The following LNX2 variants were observed in gnomAD, a reference collection of about 807,000 sequenced individuals.
LNX2 encodes ligand of Numb protein X 2.
In LNX2, 35 loss-of-function variants were observed where a neutral mutation model predicts 66.2. The observed-to-expected ratio is 0.53, with a 90% CI of 0.40 to 0.70. The LOEUF (loss-of-function observed/expected upper bound fraction) is 0.70. Among genes scored for constraint, LNX2 ranks in the 30% least tolerant of loss-of-function variants. LNX2 has a pLI of 0.00. For synonymous variants in LNX2, 337 were observed against 315.6 expected, an observed-to-expected ratio of 1.07 and a Z score of -0.72; for missense variants, 791 against 850.8, an observed-to-expected ratio of 0.93 and a Z score of 0.87.
intron 7 of LNX2, 32 bp from the exon 8 acceptor site, chr13:27,553,471 T>C (rs758199496): frequency 6.4e-7 from 1 of 1,550,496 alleles, no homozygotes; most frequent in Non-Finnish European, 8.9e-7. Flanking sequence ...AAAAATGAGC[T>C]GAGCCACTGA....
At chr13:27,565,893 A>G (rs1396853143) in intron 4 of LNX2, among the ~76,000 whole-genome samples, 2 of 152,224 alleles carry the variant, frequency 1.3e-5, no homozygotes, top group Admixed American at 6.5e-5. Flanking sequence ...GTAGACTCCC[A>G]TAGCCCCAAG....
At position 27,548,360 on chromosome 13, in the gene LNX2, A is replaced by G. The variant is rs760468125; in HGVS notation, c.2048T>C (p.Ile683Thr). Residue 683 changes from isoleucine (I) to threonine (T), a missense_variant, in exon 10 of 10, where the codon ATT (isoleucine) becomes ACT (threonine). Transcript: ENST00000316334. Reference sequence around the variant, plus strand: ...CTATACAAGGCTGCCAGGCCAACAAATAACGGTCAGAGTGACTTTGTTCCT... The same window carrying G: ...CTATACAAGGCTGCCAGGCCAACAAGTAACGGTCAGAGTGACTTTGTTCCT... Reference protein sequence around the residue: ...EQRNKVTLTVICWPGSLV With the variant: ...EQRNKVTLTVTCWPGSLV 5.9e-5 allele frequency: 96 copies of G among 1,613,820 alleles called. 2 individuals are homozygous for G. In the South Asian group the frequency reaches 1.0e-3, roughly 17 times the overall value.
chr13:27,616,192 G>GTT (rs1453479215), intron 1 of LNX2, among the ~76,000 whole-genome samples: 1 of 150,666 alleles, frequency 6.6e-6, no homozygotes, highest in Non-Finnish European at 1.5e-5. Context: ...GGGGTTGGGG[G>GTT]GGGTAGCAGG....
At chr13:27,603,641 A>T (rs962132572) in intron 1 of LNX2, among the ~76,000 whole-genome samples, 7 of 152,188 alleles carry the variant, frequency 4.6e-5, no homozygotes, top group Non-Finnish European at 1.0e-4. Context: ...AGAGATAAAC[A>T]GTTTCATGGT....
At chr13:27,597,454 T>C (rs963357855) in intron 1 of LNX2, among the ~76,000 whole-genome samples, 3 of 152,082 alleles carry the variant, frequency 2.0e-5, no homozygotes, top group African/African-American at 7.2e-5. Flanking sequence ...GCTTTAAAAA[T>C]TGATATTTCA....
chr13:27,620,614 A>C (rs1363237262), upstream of LNX2: 1 of 154,554 alleles, frequency 6.5e-6, no homozygotes, highest in Non-Finnish European at 1.4e-5. Context: ...CGAGCGGCCC[A>C]ACCCGCACCC....
chr13:27,588,295 A>G (rs1390366993), intron 1 of LNX2, among the ~76,000 whole-genome samples: 1 of 152,204 alleles, frequency 6.6e-6, no homozygotes, highest in East Asian at 1.9e-4. Context: ...ATGAATGGGT[A>G]AACAAATTGT....
At chr13:27,560,246 T>A (rs1340037612) in intron 5 of LNX2, among the ~76,000 whole-genome samples, 1 of 152,148 alleles carries the variant, frequency 6.6e-6, no homozygotes, top group Non-Finnish European at 1.5e-5. Context: ...CAAGGCAAAG[T>A]GGTCACACTG....
intron 1 of LNX2, among the ~76,000 whole-genome samples, chr13:27,586,247 A>G (rs1955485667): frequency 6.6e-6 from 1 of 152,128 alleles, no homozygotes; most frequent in Non-Finnish European, 1.5e-5. Context: ...GCAAAGCCAT[A>G]TAGCATATAG....
In LNX2 at chr13:27,583,215, T is replaced by TGCGC. The variant is rs1449791231; in HGVS notation, c.-100-1413_-100-1412insGCGC. 1.6e-3 allele frequency among the ~76,000 whole-genome samples: 36 copies of TGCGC among 22,994 alleles called. 4 individuals carry two copies. The highest frequency in any genetic ancestry group is 2.4e-3 in the Non-Finnish European group (31 of 13,110). The allele number at this position is 22,994 out of a possible 152,430, so 15.1% of individuals were successfully genotyped here. ...GTGTGTGTGTGTGTGTGTGTGTGTG[T>TGCGC]GTGTGTGTGTGTGTGTGTGTGTGTG... On this transcript the variant is annotated intron_variant, in intron 1 of 9. Coordinates refer to ENST00000316334, the MANE Select transcript of LNX2 (RefSeq NM_153371.4).
intron 3 of LNX2, 23 bp downstream of exon 3, chr13:27,569,006 A>T (rs1183904382): frequency 6.3e-7 from 1 of 1,585,990 alleles, no homozygotes. Flanking sequence ...GATGAAATAC[A>T]CAAGGAGTTG....
intron 1 of LNX2, among the ~76,000 whole-genome samples, chr13:27,618,295 C>A (rs1955848873): frequency 2.0e-5 from 3 of 152,210 alleles, no homozygotes; most frequent in African/African-American, 7.2e-5. Flanking sequence ...CTGGCAATCA[C>A]TATTCTAAGT....
Position 27,553,256 on chromosome 13 carries a change from T to A in LNX2, c.1730A>T (p.Tyr577Phe), listed in dbSNP as rs766713811. 6.2e-7 allele frequency: 1 copy of A among 1,614,148 alleles called. No homozygotes were observed. Among genetic ancestry groups the A allele is most frequent in the Admixed American group, 1.7e-5 (1 of 60,020 alleles). The change falls in exon 8 of 10, where the codon TAT (tyrosine) becomes TTT (phenylalanine). Residue 577 changes from tyrosine to phenylalanine, a missense_variant. Transcript: ENST00000316334. ...CCATGATGGGGACCAACTGGCATCA[T>A]ACTCATTTTCGCTGAAAGTACTCGG... is the stretch of plus-strand genomic sequence containing the variant. ...EQPSTFSENE[Y>F]DASWSPSWVM... is the part of the protein sequence containing the mutation.
intron 1 of LNX2, among the ~76,000 whole-genome samples, chr13:27,613,335 G>T (rs1415723597): frequency 6.6e-6 from 1 of 152,076 alleles, no homozygotes; most frequent in Non-Finnish European, 1.5e-5. Context: ...GGGGGAGGGG[G>T]CACTCTAATA....
At chr13:27,562,282 G>A in intron 5 of LNX2, 131 bp downstream of exon 5, 1 of 1,125,776 alleles carries the variant, frequency 8.9e-7, no homozygotes, top group South Asian at 1.6e-5. Context: ...AAAGAATTCA[G>A]GTAGCCACAC....
chr13:27,551,603 T>C (rs1955008526), intron 8 of LNX2, among the ~76,000 whole-genome samples: 1 of 151,370 alleles, frequency 6.6e-6, no homozygotes, highest in East Asian at 1.9e-4. Context: ...AAATCCATAA[T>C]AAAATAATAA....
Position 27,547,791 on chromosome 13 carries a change from G to A in LNX2, c.*544C>T, listed in dbSNP as rs1423657821. 6.5e-6 allele frequency: 1 copy of A among 153,200 alleles called. No individual in the cohort carries two copies. The highest frequency in any genetic ancestry group is 2.4e-5 in the African/African-American group (1 of 41,464). The allele number at this position is 153,200 out of a possible 1,614,324, so 9.5% of individuals were successfully genotyped here. ...GAATGGCGTGAACCCAGGAGGCGGA[G>A]CTTGCAGTGAGCTGAGATTGTGCCA... On this transcript the variant is annotated 3_prime_UTR_variant, in exon 10 of 10. Transcript: ENST00000316334.
intron 1 of LNX2, among the ~76,000 whole-genome samples, chr13:27,583,245 T>C (rs371999038): frequency 0.39 from 12,398 of 31,892 alleles, 4,139 homozygotes; most frequent in South Asian, 0.47. Context: ...TGTGTGTGTG[T>C]GTGTGTGTGT....
At chr13:27,593,160 A>C (rs544995255) in intron 1 of LNX2, among the ~76,000 whole-genome samples, 3 of 152,020 alleles carry the variant, frequency 2.0e-5, no homozygotes, top group African/African-American at 4.8e-5. Context: ...CTTTTGCCAT[A>C]TCTCTCCCTC....
Sources: gnomAD v4.1 joint callset for allele counts (sites outside exome capture counted in the v4.1 genomes callset) on GRCh38, gnomAD v4.1.1 for gene constraint, MANE v1.5 for transcripts, NCBI Gene and HGNC (gene_info 2026-07-23, HGNC 2026-07-21) for gene names.